The following DDI2 variants were observed in gnomAD, a reference collection of about 807,000 sequenced individuals.
The protein encoded by DDI2 is protein DDI1 homolog 2.
In DDI2, 5 loss-of-function variants were observed where a neutral mutation model predicts 48.1. The ratio of observed to expected loss-of-function variants is 0.10; its 90% CI spans 0.05 to 0.22. DDI2 has a LOEUF of 0.22. Ranked by LOEUF, DDI2 falls within the 10% of genes least tolerant of loss-of-function variation. The pLI is 1.00. For missense variants in DDI2, 285 were observed against 506.2 expected (o/e 0.56, Z 4.19); for synonymous variants, 205 against 183.6 (o/e 1.12, Z -0.94).
intron 2 of DDI2, among the ~76,000 whole-genome samples, chr1:15,627,385 T>C (rs1331912749): frequency 1.3e-5 from 2 of 152,256 alleles, no homozygotes; most frequent in Non-Finnish European, 2.9e-5. Flanking sequence ...TTTTCCATTA[T>C]GCTGAACTTG....
At chr1:15,626,990 G>T (rs1373746418) in intron 2 of DDI2, 192 bp downstream of exon 2, 1 of 684,678 alleles carries the variant, frequency 1.5e-6, no homozygotes, top group Non-Finnish European at 2.4e-6. Flanking sequence ...TATAAGTTAG[G>T]TGCCATAATT....
chr1:15,668,904 T>A lies in DDI2; in HGVS notation c.*9114T>A, dbSNP rs567239158. 2.0e-4 allele frequency: 30 copies of A among 152,368 alleles called. No individual in the cohort carries two copies. The highest frequency in any genetic ancestry group is 7.0e-4 in the African/African-American group (29 of 41,586). 9.4% of individuals were successfully genotyped at this position (152,368 alleles called of 1,614,324 possible). A position where few individuals can be genotyped will look rare whatever the true frequency, so the allele number is the denominator to read the frequency against. On this transcript the variant is annotated 3_prime_UTR_variant, in exon 10 of 10. Coordinates refer to ENST00000480945, the MANE Select transcript of DDI2 (RefSeq NM_032341.5). ...CTAGATGCATTTGGGTTTGAATTTT[T>A]GTCACATACTGAAATGTAAGTCAGC...
At chr1:15,641,831 T>C (rs1289843766) in intron 5 of DDI2, among the ~76,000 whole-genome samples, 6 of 151,720 alleles carry the variant, frequency 4.0e-5, no homozygotes, top group Admixed American at 1.3e-4. Flanking sequence ...GGCACTTGCA[T>C]GTAATCCCAG....
intron 1 of DDI2, among the ~76,000 whole-genome samples, chr1:15,623,927 G>C (rs956837371): frequency 1.3e-5 from 2 of 152,076 alleles, no homozygotes; most frequent in African/African-American, 4.8e-5. Flanking sequence ...AGCCGCTTGT[G>C]GGGGCAGGTG....
chr1:15,644,619 A>C (rs1474107955), intron 6 of DDI2, among the ~76,000 whole-genome samples: 6 of 94,122 alleles, frequency 6.4e-5, no homozygotes, highest in Admixed American at 1.7e-4. Context: ...TTTGAGACGG[A>C]GTCTCACTCT....
intron 6 of DDI2, among the ~76,000 whole-genome samples, chr1:15,647,972 ATTT>A: frequency 6.6e-6 from 1 of 151,738 alleles, no homozygotes; most frequent in Non-Finnish European, 1.5e-5. Context: ...CTCAAAAAAA[ATTT>A]TTTTTTACAA....
intron 6 of DDI2, among the ~76,000 whole-genome samples, chr1:15,646,299 G>C (rs1043086316): frequency 1.3e-5 from 2 of 152,250 alleles, no homozygotes; most frequent in Non-Finnish European, 2.9e-5. Flanking sequence ...TGTGATGTCA[G>C]TTGGGTTACT....
chr1:15,666,291 C>G lies in DDI2; in HGVS notation c.*6501C>G, dbSNP rs925672834. On this transcript the variant is annotated 3_prime_UTR_variant, in exon 10 of 10. Coordinates refer to ENST00000480945, the MANE Select transcript of DDI2 (RefSeq NM_032341.5). Reference sequence around the variant, plus strand: ...CCTTAGTTTCTCTGAATAGCAGAGGCATCAAATTTTGGTGGGGAATGAGAG... The same window carrying G: ...CCTTAGTTTCTCTGAATAGCAGAGGGATCAAATTTTGGTGGGGAATGAGAG... The G allele has an allele frequency of 2.0e-5, 3 of 152,044 alleles. No homozygotes were observed. The highest frequency in any genetic ancestry group is 4.8e-5 in the African/African-American group (2 of 41,414). The allele number at this position is 152,044 out of a possible 1,614,324, so 9.4% of individuals were successfully genotyped here.
In DDI2 at chr1:15,660,652, C is replaced by T. The variant is rs2148308026; in HGVS notation, c.*862C>T. On this transcript the variant is annotated 3_prime_UTR_variant, in exon 10 of 10. Coordinates refer to ENST00000480945, the MANE Select transcript of DDI2 (RefSeq NM_032341.5). ...AGCTCAACAGTCCCTAGTTACTTTG[C>T]TTAATTCAACAGGCAGGCAGAATGC... 1 of 1,614,182 alleles carries T rather than the reference C, an allele frequency of 6.2e-7. No homozygotes were observed. Among genetic ancestry groups the T allele is most frequent in the African/African-American group, 1.3e-5 (1 of 75,050 alleles).
intron 6 of DDI2, among the ~76,000 whole-genome samples, chr1:15,645,579 G>A (rs1274664465): frequency 6.6e-6 from 1 of 152,192 alleles, no homozygotes; most frequent in African/African-American, 2.4e-5. Flanking sequence ...ATTGAAGAGT[G>A]GGCCACTGGC....
chr1:15,655,435 AT>A (rs1640256003), intron 8 of DDI2, among the ~76,000 whole-genome samples: 1 of 148,746 alleles, frequency 6.7e-6, no homozygotes, highest in African/African-American at 2.6e-5. Flanking sequence ...CCTGGGCAGC[AT>A]GGCAAAACAC....
At chr1:15,640,311 C>G (rs1012242332) in intron 5 of DDI2, among the ~76,000 whole-genome samples, 4 of 152,164 alleles carry the variant, frequency 2.6e-5, no homozygotes, top group Non-Finnish European at 5.9e-5. Flanking sequence ...CTCAGAATAT[C>G]TCTATGTACT....
chr1:15,630,024 G>A (rs573672701), intron 2 of DDI2, among the ~76,000 whole-genome samples: 1 of 152,044 alleles, frequency 6.6e-6, no homozygotes, highest in Non-Finnish European at 1.5e-5. Context: ...GAGCCACCAC[G>A]CCTGGCCACT....
At chr1:15,632,065 A>T (rs1043309688) in intron 3 of DDI2, among the ~76,000 whole-genome samples, 13 of 151,746 alleles carry the variant, frequency 8.6e-5, no homozygotes, top group Non-Finnish European at 1.9e-4. Flanking sequence ...CGGCTTCCCA[A>T]AGTACTGAGA....
intron 3 of DDI2, 91 bp from the exon 4 acceptor site, chr1:15,633,348 A>C: frequency 3.4e-5 from 49 of 1,453,500 alleles, no homozygotes; most frequent in Non-Finnish European, 4.6e-5. Flanking sequence ...TCTCTTACAG[A>C]TGTAGTTTGA....
intron 5 of DDI2, among the ~76,000 whole-genome samples, chr1:15,643,317 A>T (rs1374934514): frequency 6.6e-6 from 1 of 152,222 alleles, no homozygotes; most frequent in African/African-American, 2.4e-5. Flanking sequence ...CTCAATGTCA[A>T]ATTGTACATC....
At position 15,651,888 on chromosome 1, in the gene DDI2, G is replaced by A; in HGVS notation, c.1176G>A (p.Glu392=). Residue 392 remains glutamate (E), a synonymous_variant, in exon 8 of 10, where the codon GAG becomes GAA. Coordinates refer to ENST00000480945, the MANE Select transcript of DDI2 (RefSeq NM_032341.5). ...CAGAAGCCCTTCAAAAATCAGCAGA[G>A]GATGCAGGTATTTGGGATGGCCAAA... The part of the protein sequence containing the change: ...ELAEALQKSA[E]DAERQKP 6.2e-7 allele frequency: 1 copy of A among 1,613,326 alleles called. No homozygotes were observed. Among genetic ancestry groups the A allele is most frequent in the Non-Finnish European group, 8.5e-7 (1 of 1,179,632 alleles).
chr1:15,630,338 A>C lies in DDI2; in HGVS notation c.282A>C (p.Ile94=), dbSNP rs748799263. ...PPVQFPNLPR[I]DFSSIAVPGT... is the part of the protein sequence containing the mutation. ...TTTCCCCAACAGACTTACCCCGAAT[A>C]GATTTCAGTAGTATAGCTGTGCCTG... Residue 94 remains isoleucine (I), a synonymous_variant, in exon 3 of 10, where the codon ATA becomes ATC. Coordinates refer to ENST00000480945, the MANE Select transcript of DDI2 (RefSeq NM_032341.5). 27 of 1,614,074 alleles carry C rather than the reference A, an allele frequency of 1.7e-5. No homozygotes were observed. Among genetic ancestry groups the C allele is most frequent in the Non-Finnish European group, 2.2e-5 (26 of 1,180,036 alleles).
intron 7 of DDI2, among the ~76,000 whole-genome samples, 177 bp downstream of exon 7, chr1:15,650,000 G>C (rs957956275): frequency 6.6e-6 from 1 of 152,202 alleles, no homozygotes; most frequent in Admixed American, 6.5e-5. Context: ...GATATAGATA[G>C]AATCTGTTTT....
Sources: gnomAD v4.1 joint callset for allele counts (sites outside exome capture counted in the v4.1 genomes callset) on GRCh38, gnomAD v4.1.1 for gene constraint, MANE v1.5 for transcripts, NCBI Gene and HGNC (gene_info 2026-07-23, HGNC 2026-07-21) for gene names.